Variants in NUGGC observed in about 807,000 individuals in gnomAD.
NUGGC encodes the protein nuclear GTPase, germinal center associated.
A neutral mutation model predicts 92.6 loss-of-function variants in NUGGC; 58 were observed. The observed-to-expected ratio is 0.63, with a 90% CI of 0.51 to 0.78. The LOEUF is 0.78. NUGGC is among the 30% of genes least tolerant of loss of function. The pLI is 0.00. For synonymous variants in NUGGC, 376 were observed against 366.4 expected (o/e 1.03, Z -0.30); for missense variants, 925 against 964.6 (o/e 0.96, Z 0.54).
chr8:28,057,604 G>T (rs1451168326), intron 9 of NUGGC, among the ~76,000 whole-genome samples: 2 of 151,998 alleles, frequency 1.3e-5, no homozygotes, highest in Non-Finnish European at 2.9e-5. Context: ...CTTCCAAAGT[G>T]CTGGGATTAC....
At chr8:28,046,160 G>A (rs1809828227) in intron 11 of NUGGC, among the ~76,000 whole-genome samples, 1 of 152,114 alleles carries the variant, frequency 6.6e-6, no homozygotes, top group Non-Finnish European at 1.5e-5. Flanking sequence ...TCTGTCAGAA[G>A]ATAATAGATG....
intron 11 of NUGGC, among the ~76,000 whole-genome samples, chr8:28,046,396 G>A (rs929751268): frequency 2.0e-5 from 3 of 152,110 alleles, no homozygotes; most frequent in Admixed American, 1.3e-4. Context: ...ATGCAGTCCT[G>A]ACCCTGCCTG....
chr8:28,066,023 G>A (rs1348707227), intron 6 of NUGGC, among the ~76,000 whole-genome samples: 1 of 150,894 alleles, frequency 6.6e-6, no homozygotes, highest in Non-Finnish European at 1.5e-5. Flanking sequence ...GATCTCCAGT[G>A]GAAACCCTGA....
Position 28,068,155 on chromosome 8 carries a change from A to T in NUGGC, c.480+61T>A, listed in dbSNP as rs920100400. On this transcript the variant is annotated intron_variant, in intron 5 of 18. Transcript: ENST00000413272. ...GAAAGAAAGGAAGGAGGGAACGAAA[A>T]AGGAAGAAAGGAAGGAAAAAGGAAG... 4 of 1,028,986 alleles carry T rather than the reference A, an allele frequency of 3.9e-6. No individual in the cohort carries two copies. The African/African-American group carries it at 6.4e-5, about 16-fold the overall frequency. The allele number at this position is 1,028,986 out of a possible 1,614,324, so 63.7% of individuals were successfully genotyped here.
intron 6 of NUGGC, among the ~76,000 whole-genome samples, chr8:28,065,540 ATT>A (rs1286005653): frequency 6.6e-6 from 1 of 152,180 alleles, no homozygotes; most frequent in Non-Finnish European, 1.5e-5. Context: ...TTTCTAGAAT[ATT>A]TTAATGATGG....
rs201356808 is a variant in NUGGC, at chr8:28,080,621, G to T, written c.-47+3154C>A. ...ATAATTTGTTGAATGAATGATGATA[G>T]ATATAATTTTTTGTATCTATATCTA... On this transcript the variant is annotated intron_variant, in intron 1 of 18. Transcript: ENST00000413272. Among the ~76,000 whole-genome samples the T allele has an allele frequency of 2.0e-5, 3 of 152,114 alleles. No homozygotes were observed. In the East Asian group the frequency reaches 5.8e-4, roughly 29 times the overall value.
chr8:28,025,126 C>A (rs182975700), intron 18 of NUGGC, among the ~76,000 whole-genome samples: 1 of 152,238 alleles, frequency 6.6e-6, no homozygotes, highest in African/African-American at 2.4e-5. Flanking sequence ...TTGGCCACCA[C>A]TGTGTCCTCA....
chr8:28,031,479 G>A, intron 14 of NUGGC, 98 bp from the exon 15 acceptor site: 8 of 1,143,488 alleles, frequency 7.0e-6, no homozygotes, highest in Non-Finnish European at 2.5e-6. Context: ...TCATTTAAGA[G>A]AAGGAAGATG....
At chr8:28,060,794 C>T (rs1810284574) in intron 7 of NUGGC, among the ~76,000 whole-genome samples, 193 bp from the exon 8 acceptor site, 1 of 152,152 alleles carries the variant, frequency 6.6e-6, no homozygotes, top group Admixed American at 6.5e-5. Context: ...ATTCCCTGGC[C>T]ACAGCCTCTG....
Position 28,064,564 on chromosome 8 carries a change from G to A in NUGGC, c.879C>T (p.Gly293=). 1.9e-6 allele frequency: 3 copies of A among 1,614,056 alleles called. No individual in the cohort carries two copies. Among genetic ancestry groups the A allele is most frequent in the Non-Finnish European group, 2.5e-6 (3 of 1,179,906 alleles). ...CCCTCTTGCTGTTGAAGTCGCCTGT[G>A]CCTGGGATGTCCACCAGCACGACCC... is the stretch of plus-strand genomic sequence containing the variant. The part of the protein sequence containing the change: ...PEGVVLVDIP[G]TGDFNSKRDE... The change falls in exon 7 of 19, where the codon GGC becomes GGT. Residue 293 remains glycine, a synonymous_variant. Transcript: ENST00000413272.
chr8:28,027,299 G>A (rs1415486152), intron 17 of NUGGC, among the ~76,000 whole-genome samples: 4 of 152,304 alleles, frequency 2.6e-5, no homozygotes, highest in East Asian at 1.9e-4. Context: ...CTACAGGCTC[G>A]TGGGGGGCTG....
At chr8:28,053,834 A>AC (rs1445835283) in intron 10 of NUGGC, among the ~76,000 whole-genome samples, 1 of 152,230 alleles carries the variant, frequency 6.6e-6, no homozygotes, top group East Asian at 1.9e-4. Context: ...ACAGACCAAG[A>AC]CCAGCTGTAC....
At chr8:28,033,969 T>C (rs1409232454) in intron 13 of NUGGC, among the ~76,000 whole-genome samples, 1 of 152,232 alleles carries the variant, frequency 6.6e-6, no homozygotes, top group Non-Finnish European at 1.5e-5. Context: ...TACTCATTTG[T>C]CCGGCTCCTG....
chr8:28,064,224 A>G (rs1810380059), intron 7 of NUGGC, among the ~76,000 whole-genome samples: 1 of 152,090 alleles, frequency 6.6e-6, no homozygotes, highest in South Asian at 2.1e-4. Context: ...TTGGCCTCCC[A>G]GTTCCCTTCT....
intron 2 of NUGGC, among the ~76,000 whole-genome samples, chr8:28,073,811 A>G (rs1356019322): frequency 6.6e-6 from 1 of 151,758 alleles, no homozygotes; most frequent in Non-Finnish European, 1.5e-5. Flanking sequence ...GAACATTATT[A>G]TTATTGAGAT....
chr8:28,041,357 G>T, intron 12 of NUGGC, 142 bp from the exon 13 acceptor site: 1 of 801,046 alleles, frequency 1.2e-6, no homozygotes, highest in South Asian at 1.8e-5. Context: ...GTCCCCATAA[G>T]ACCTCACTCA....
At position 28,060,222 on chromosome 8, in the gene NUGGC, C is replaced by G. The variant is rs561327938; in HGVS notation, c.1097+204G>C. The G allele has an allele frequency of 1.1e-4, 76 of 682,328 alleles. No homozygotes were observed. The South Asian group carries it at 1.1e-3, about 10-fold the overall frequency. 42.3% of individuals were successfully genotyped at this position (682,328 alleles called of 1,614,324 possible). ...CACCAGCTTGGCACTAAGCAGCTAC[C>G]CTGGAAGGTTCAGATTCCTAAGACA... On this transcript the variant is annotated intron_variant, in intron 8 of 18. Transcript: ENST00000413272.
intron 10 of NUGGC, among the ~76,000 whole-genome samples, chr8:28,050,214 C>T (rs372118889): frequency 1.3e-5 from 2 of 151,452 alleles, no homozygotes; most frequent in South Asian, 2.1e-4. Flanking sequence ...GGAGAAACCC[C>T]GTCTCTACTA....
At chr8:28,075,205 G>A (rs983152847) in intron 1 of NUGGC, among the ~76,000 whole-genome samples, 2 of 152,122 alleles carry the variant, frequency 1.3e-5, no homozygotes, top group Non-Finnish European at 2.9e-5. Context: ...TGCTGACTGG[G>A]GAAGGAGATG....
Sources: allele counts gnomAD v4.1 joint callset (sites outside exome capture counted in the v4.1 genomes callset), GRCh38; gene constraint gnomAD v4.1.1; transcripts MANE v1.5; gene names NCBI Gene and HGNC (gene_info 2026-07-23, HGNC 2026-07-21).